The following TMEM177 variants were observed in gnomAD, a reference collection of about 807,000 sequenced individuals.
TMEM177 encodes the protein transmembrane protein 177.
TMEM177 carries 4 observed loss-of-function variants against 14.2 expected under a neutral mutation model. The ratio of observed to expected loss-of-function variants is 0.28; its 90% confidence interval spans 0.14 to 0.64. The LOEUF is 0.64. Ranked by LOEUF, TMEM177 falls within the 30% of genes least tolerant of loss-of-function variation. TMEM177 has a pLI of 0.82. For missense variants in TMEM177, 344 were observed against 405.2 expected, an observed-to-expected ratio of 0.85 and a Z score of 1.30; for synonymous variants, 179 against 174.5, an observed-to-expected ratio of 1.03 and a Z score of -0.20.
the TMEM177 span, among the ~76,000 whole-genome samples, chr2:119,700,368 G>A: frequency 8.8e-4 from 134 of 152,256 alleles, no homozygotes; most frequent in Non-Finnish European, 1.7e-3. Context: ...GGGAGCCTGA[G>A]AGTTCCCGTG....
chr2:119,691,247 C>T (rs1169387113), downstream of TMEM177, among the ~76,000 whole-genome samples: 3 of 152,172 alleles, frequency 2.0e-5, no homozygotes, highest in African/African-American at 7.2e-5. Context: ...TGAGCTTCTC[C>T]GTGCCTCAGC....
chr2:119,705,619 C>CGTGTGTGTGTGTGT, the TMEM177 span, among the ~76,000 whole-genome samples: 260 of 139,256 alleles, frequency 1.9e-3, 1 homozygote, highest in Non-Finnish European at 2.2e-3. Context: ...CACTCAGATC[C>CGTGTGTGTGTGTGT]GTGTGTGTGT....
chr2:119,695,536 G>A, the TMEM177 span, among the ~76,000 whole-genome samples: 13 of 152,166 alleles, frequency 8.5e-5, no homozygotes, highest in African/African-American at 2.7e-4. Flanking sequence ...GTGAGTGGGT[G>A]GGGGATATGG....
the TMEM177 span, among the ~76,000 whole-genome samples, chr2:119,693,910 T>TACACATCACACATGCCAC: frequency 2.0e-4 from 1 of 4,890 alleles, no homozygotes; most frequent in African/African-American, 7.5e-4. Flanking sequence ...ACACATCACA[T>TACACATCACACATGCCAC]ACACATCACA....
chr2:119,704,427 G>A, the TMEM177 span, among the ~76,000 whole-genome samples: 2 of 152,222 alleles, frequency 1.3e-5, no homozygotes, highest in East Asian at 3.9e-4. Flanking sequence ...GTGAAACCCC[G>A]TCTGTACTAA....
At chr2:119,687,049 A>T (rs1045669078), downstream of TMEM177, among the ~76,000 whole-genome samples, 1 of 152,138 alleles carries the variant, frequency 6.6e-6, no homozygotes, top group African/African-American at 2.4e-5. Flanking sequence ...TCTTGGTTCT[A>T]AACAATAGAA....
chr2:119,703,173 C>T, the TMEM177 span, among the ~76,000 whole-genome samples: 1 of 152,244 alleles, frequency 6.6e-6, no homozygotes, highest in African/African-American at 2.4e-5. Context: ...TTTTATCCCT[C>T]AGCCCTCAGC....
chr2:119,683,030 G>T (rs755903953), downstream of TMEM177, among the ~76,000 whole-genome samples: 5 of 152,216 alleles, frequency 3.3e-5, no homozygotes, highest in Non-Finnish European at 7.4e-5. Flanking sequence ...ACCCAATTTG[G>T]CTTCATGACA....
downstream of TMEM177, among the ~76,000 whole-genome samples, chr2:119,688,661 G>C (rs1223621427): frequency 6.6e-6 from 1 of 152,216 alleles, no homozygotes; most frequent in Non-Finnish European, 1.5e-5. Context: ...TCATCATGCA[G>C]CGTGTGACTG....
chr2:119,722,076 G>T, the TMEM177 span, among the ~76,000 whole-genome samples: 1 of 152,146 alleles, frequency 6.6e-6, no homozygotes, highest in Admixed American at 6.5e-5. Flanking sequence ...CAAAGCTGAC[G>T]TTCTGTTAGA....
At chr2:119,711,969 G>C in the TMEM177 span, among the ~76,000 whole-genome samples, 1 of 152,084 alleles carries the variant, frequency 6.6e-6, no homozygotes, top group African/African-American at 2.4e-5. Context: ...TTATGGGCTG[G>C]CAGCTCCGGC....
the TMEM177 span, among the ~76,000 whole-genome samples, chr2:119,703,851 C>G: frequency 6.6e-6 from 1 of 152,360 alleles, no homozygotes; most frequent in Middle Eastern, 3.4e-3. Context: ...AGGGTGGTAA[C>G]AGCTTCCTGC....
At chr2:119,716,922 G>A in the TMEM177 span, among the ~76,000 whole-genome samples, 1 of 152,174 alleles carries the variant, frequency 6.6e-6, no homozygotes, top group South Asian at 2.1e-4. Flanking sequence ...AACAGAGGTG[G>A]AAGTAGTGAA....
At chr2:119,692,910 T>A in the TMEM177 span, among the ~76,000 whole-genome samples, 1 of 145,356 alleles carries the variant, frequency 6.9e-6, no homozygotes, top group African/African-American at 2.6e-5. Context: ...AGGCAGAGGT[T>A]GCAGTGAGCC....
the TMEM177 span, among the ~76,000 whole-genome samples, chr2:119,706,180 C>T: frequency 1.3e-5 from 2 of 152,080 alleles, no homozygotes; most frequent in Admixed American, 6.6e-5. Flanking sequence ...CGTGCCACCA[C>T]GCCCGGCTAC....
downstream of TMEM177, among the ~76,000 whole-genome samples, chr2:119,687,665 A>T (rs915773359): frequency 1.3e-5 from 2 of 152,154 alleles, no homozygotes; most frequent in African/African-American, 4.8e-5. Context: ...ATTCAAGATG[A>T]GATGTGGGTG....
chr2:119,714,181 C>T, the TMEM177 span, among the ~76,000 whole-genome samples: 1 of 152,066 alleles, frequency 6.6e-6, no homozygotes, highest in Non-Finnish European at 1.5e-5. Flanking sequence ...TGGAGGCATA[C>T]AAGAGACAGT....
At chr2:119,717,338 A>G in the TMEM177 span, among the ~76,000 whole-genome samples, 24 of 152,074 alleles carry the variant, frequency 1.6e-4, no homozygotes, top group African/African-American at 5.3e-4. Context: ...TGGAAAAAAA[A>G]AAAAGAAAAA....
At chr2:119,701,386 G>A in the TMEM177 span, among the ~76,000 whole-genome samples, 4 of 152,188 alleles carry the variant, frequency 2.6e-5, no homozygotes, top group Non-Finnish European at 5.9e-5. Context: ...AGCGGGTTCT[G>A]GGTCCTGCCT....
Sources: gnomAD v4.1 joint callset for allele counts (sites outside exome capture counted in the v4.1 genomes callset) on GRCh38, gnomAD v4.1.1 for gene constraint, MANE v1.5 for transcripts, NCBI Gene and HGNC (gene_info 2026-07-23, HGNC 2026-07-21) for gene names.